Variants in ZNF521 observed in about 807,000 individuals in gnomAD.
ZNF521 encodes the protein LYST-interacting protein 3.
A neutral mutation model predicts 105.5 loss-of-function variants in ZNF521; 14 were observed. The observed-to-expected ratio is 0.13, with a 90% CI of 0.09 to 0.21. ZNF521 has a LOEUF of 0.21. ZNF521 is among the 10% of genes least tolerant of loss of function. The probability of loss-of-function intolerance (pLI) is 1.00; values close to 1 mark genes in which losing one functional copy is unlikely to be tolerated. For synonymous variants in ZNF521, 635 were observed against 606.0 expected (o/e 1.05, Z -0.70); for missense variants, 1,233 against 1,629.7 (o/e 0.76, Z 4.19).
chr18:25,181,752 T>A (rs1420780396), intron 5 of ZNF521, among the ~76,000 whole-genome samples: 2 of 152,172 alleles, frequency 1.3e-5, no homozygotes, highest in Non-Finnish European at 2.9e-5. Flanking sequence ...TAGGCTCATA[T>A]AAAGGACTGT....
In ZNF521 at chr18:25,224,710, A is replaced by AAGATGC. The variant is rs1418728368; in HGVS notation, c.3202_3207dup (p.Ala1068_Ser1069dup). 6.2e-7 allele frequency: 1 copy of AAGATGC among 1,614,024 alleles called. No individual in the cohort carries two copies. Among genetic ancestry groups the AAGATGC allele is most frequent in the African/African-American group, 1.3e-5 (1 of 75,014 alleles). On this transcript the variant is annotated inframe_insertion, in exon 4 of 8. Coordinates refer to ENST00000361524, the MANE Select transcript of ZNF521 (RefSeq NM_015461.3). ...TGCTTGGAACGGAATTCTTTGAGGC[A>AAGATGC]AGATGCGCACTTATACAGTTTTTGG...
chr18:25,171,894 A>G (rs2035455075), intron 5 of ZNF521, among the ~76,000 whole-genome samples: 1 of 152,100 alleles, frequency 6.6e-6, no homozygotes, highest in African/African-American at 2.4e-5. Context: ...TGCCACCCCT[A>G]AACTTTTCAC....
chr18:25,195,228 C>T lies in ZNF521; in HGVS notation c.3590G>A (p.Cys1197Tyr). The T allele has an allele frequency of 6.3e-7, 1 of 1,593,958 alleles. No homozygotes were observed. Among genetic ancestry groups the T allele is most frequent in the East Asian group, 2.3e-5 (1 of 43,858 alleles). Residue 1197 changes from cysteine (C) to tyrosine (Y), a missense_variant, in exon 5 of 8, where the codon TGC (cysteine) becomes TAC (tyrosine). Physicochemically the swap from Cys to Tyr is radical, Grantham distance 194. Around this residue, in one of 6 missense-constraint regions of ZNF521, gnomAD observed 76 missense variants for 137.2 expected, o/e 0.55. Coordinates refer to ENST00000361524, the MANE Select transcript of ZNF521 (RefSeq NM_015461.3). Reference protein sequence around the residue: ...SQSDEKKTYQCIKCQMVFYNE... With the variant: ...SQSDEKKTYQYIKCQMVFYNE... ...GTAGAAAACCATCTGACACTTGATG[C>T]ATTGATAGGTCTTCTTCTGAGAAAA...
intron 2 of ZNF521, among the ~76,000 whole-genome samples, chr18:25,330,628 A>T (rs541865523): frequency 6.6e-6 from 1 of 152,344 alleles, no homozygotes; most frequent in Non-Finnish European, 1.5e-5. Context: ...ACCAAAAGAG[A>T]CATTGATTCT....
intron 3 of ZNF521, among the ~76,000 whole-genome samples, chr18:25,242,371 C>T (rs1198344485): frequency 6.6e-6 from 1 of 152,092 alleles, no homozygotes; most frequent in Non-Finnish European, 1.5e-5. Context: ...TTTTACCCTA[C>T]AAATTTTCAG....
At chr18:25,311,488 C>A (rs1912305485) in intron 3 of ZNF521, among the ~76,000 whole-genome samples, 1 of 152,004 alleles carries the variant, frequency 6.6e-6, no homozygotes, top group Admixed American at 6.5e-5. Flanking sequence ...ACAACTGTAT[C>A]CAAATAGCTA....
chr18:25,291,523 G>A (rs1045677079), intron 3 of ZNF521, among the ~76,000 whole-genome samples: 8 of 152,078 alleles, frequency 5.3e-5, no homozygotes, highest in South Asian at 2.1e-4. Flanking sequence ...TTACAATAAC[G>A]TATACTTAAT....
At chr18:25,278,022 G>A (rs1432378829) in intron 3 of ZNF521, among the ~76,000 whole-genome samples, 4 of 152,042 alleles carry the variant, frequency 2.6e-5, no homozygotes, top group Non-Finnish European at 5.9e-5. Context: ...TGCAAATTAC[G>A]AAATAAGGAA....
chr18:25,292,981 T>C (rs192312045), intron 3 of ZNF521, among the ~76,000 whole-genome samples: 131 of 152,290 alleles, frequency 8.6e-4, no homozygotes, highest in African/African-American at 3.1e-3. Flanking sequence ...AAAGCACAGT[T>C]TGAATCCACT....
At chr18:25,298,787 G>T (rs1911463373) in intron 3 of ZNF521, among the ~76,000 whole-genome samples, 1 of 152,104 alleles carries the variant, frequency 6.6e-6, no homozygotes, top group African/African-American at 2.4e-5. Context: ...ATCTTATACT[G>T]TGAAAATTGG....
chr18:25,143,713 C>T (rs1280418347), intron 5 of ZNF521, among the ~76,000 whole-genome samples: 11 of 151,848 alleles, frequency 7.2e-5, no homozygotes, highest in Admixed American at 7.2e-4. Flanking sequence ...CGTGTTTTCC[C>T]CAATTAGAAG....
chr18:25,111,517 C>A (rs552165301), intron 5 of ZNF521, among the ~76,000 whole-genome samples: 8 of 152,290 alleles, frequency 5.3e-5, no homozygotes, highest in South Asian at 2.1e-4. Context: ...TTGCATCATA[C>A]TAGTCTCTCA....
chr18:25,068,345 T>C (rs889017295), intron 7 of ZNF521, among the ~76,000 whole-genome samples: 3 of 152,212 alleles, frequency 2.0e-5, no homozygotes, highest in Non-Finnish European at 4.4e-5. Flanking sequence ...CTTCCTTTTA[T>C]CACTTGGGTT....
intron 5 of ZNF521, among the ~76,000 whole-genome samples, chr18:25,184,337 T>C (rs1426238135): frequency 2.0e-5 from 3 of 152,150 alleles, no homozygotes; most frequent in Non-Finnish European, 2.9e-5. Context: ...CGAAGAGATA[T>C]AATATAGACT....
intron 2 of ZNF521, among the ~76,000 whole-genome samples, chr18:25,349,930 G>A (rs976771359): frequency 6.6e-6 from 1 of 151,134 alleles, no homozygotes; most frequent in East Asian, 2.0e-4. Context: ...GCGCTCCGCC[G>A]CCCGCCCTCC....
chr18:25,208,902 G>C (rs1006811496), intron 4 of ZNF521, among the ~76,000 whole-genome samples: 40 of 152,142 alleles, frequency 2.6e-4, no homozygotes, highest in African/African-American at 9.7e-4. Flanking sequence ...TGCTTGGACT[G>C]TATCAATAGC....
chr18:25,268,045 G>A (rs1462385714), intron 3 of ZNF521, among the ~76,000 whole-genome samples: 3 of 152,142 alleles, frequency 2.0e-5, no homozygotes, highest in Non-Finnish European at 2.9e-5. Context: ...AAAAAAGTTA[G>A]ACGAATTGCT....
intron 5 of ZNF521, among the ~76,000 whole-genome samples, chr18:25,193,988 G>A (rs2035861546): frequency 6.6e-6 from 1 of 151,704 alleles, no homozygotes; most frequent in African/African-American, 2.4e-5. Flanking sequence ...TTTCCAACAT[G>A]CTTTTGAATT....
intron 3 of ZNF521, among the ~76,000 whole-genome samples, chr18:25,268,060 A>G (rs1194171363): frequency 1.3e-5 from 2 of 152,236 alleles, no homozygotes; most frequent in Non-Finnish European, 2.9e-5. Flanking sequence ...ATTGCTAACC[A>G]GAATAACCAG....
Sources: allele counts gnomAD v4.1 joint callset (sites outside exome capture counted in the v4.1 genomes callset), GRCh38; gene constraint gnomAD v4.1.1; regional missense constraint gnomAD v4.1.1; transcripts MANE v1.5; gene names NCBI Gene and HGNC (gene_info 2026-07-23, HGNC 2026-07-21).